FAM167A: variants seen among roughly 807,000 people sequenced by gnomAD.
FAM167A encodes family with sequence similarity 167 member A, also known as protein FAM167A.
Under a neutral mutation model 14.9 loss-of-function variants are expected in FAM167A, and 23 were observed. The observed-to-expected ratio is 1.55, with a 90% confidence interval of 1.11 to 2.19. The LOEUF is 2.19. Among genes scored for constraint, FAM167A ranks in the 30% most tolerant of loss-of-function variants. The pLI is 0.00. For synonymous variants in FAM167A, 174 were observed against 117.7 expected, an observed-to-expected ratio of 1.48 and a Z score of -3.10; for missense variants, 401 against 281.5, an observed-to-expected ratio of 1.42 and a Z score of -3.04.
Position 11,443,946 on chromosome 8 carries a change from GAGAC to G in FAM167A, c.381+81_381+84del, listed in dbSNP as rs568586961. 6.9e-4 allele frequency: 1,011 copies of G among 1,471,248 alleles called. 1 individual carries two copies. Among genetic ancestry groups the G allele is most frequent in the South Asian group, 1.5e-3 (111 of 75,914 alleles). 91.1% of individuals were successfully genotyped at this position (1,471,248 alleles called of 1,614,324 possible). ...GGAAGAAATACATGGTGGGGGTGGG[GAGAC>G]AGACAGAGAGAGACAGAAAAAGACA... On this transcript the variant is annotated intron_variant, in intron 2 of 2. Coordinates refer to ENST00000284486, the MANE Select transcript of FAM167A (RefSeq NM_053279.3).
intron 1 of FAM167A, among the ~76,000 whole-genome samples, chr8:11,456,671 C>A (rs1563387748): frequency 6.6e-6 from 1 of 151,258 alleles, no homozygotes; most frequent in Non-Finnish European, 1.5e-5. Flanking sequence ...CTGGGTATGG[C>A]TAGGGCTGAG....
intron 2 of FAM167A, among the ~76,000 whole-genome samples, chr8:11,428,445 T>C (rs879574611): frequency 2.6e-5 from 4 of 152,226 alleles, no homozygotes; most frequent in Admixed American, 2.6e-4. Context: ...TGCACATGCA[T>C]TCAATTCTGC....
At chr8:11,450,633 C>G (rs1186936217) in intron 1 of FAM167A, among the ~76,000 whole-genome samples, 1 of 152,226 alleles carries the variant, frequency 6.6e-6, no homozygotes, top group African/African-American at 2.4e-5. Flanking sequence ...GGACGAGAAC[C>G]AAGCCTTTTA....
At chr8:11,445,027 T>C (rs766273061) in intron 1 of FAM167A, 114 of 729,436 alleles carry the variant, frequency 1.6e-4, no homozygotes, top group Middle Eastern at 6.8e-4. Context: ...TTACCATTTA[T>C]ATAAAAACGA....
At chr8:11,468,434 C>T (rs1467878375), upstream of FAM167A, among the ~76,000 whole-genome samples, 1 of 152,252 alleles carries the variant, frequency 6.6e-6, no homozygotes, top group Non-Finnish European at 1.5e-5. Context: ...GCCTTATGTC[C>T]TTCATGGACC....
upstream of FAM167A, among the ~76,000 whole-genome samples, chr8:11,469,082 A>C (rs1807872440): frequency 6.6e-6 from 1 of 152,274 alleles, no homozygotes; most frequent in Admixed American, 6.5e-5. Context: ...AAGCTATTTG[A>C]TCATATAGAA....
intron 2 of FAM167A, among the ~76,000 whole-genome samples, chr8:11,436,297 C>T (rs1469073779): frequency 1.3e-5 from 2 of 152,232 alleles, no homozygotes; most frequent in Non-Finnish European, 2.9e-5. Flanking sequence ...CACTAGGGGC[C>T]AAGGCCTTCC....
intron 2 of FAM167A, among the ~76,000 whole-genome samples, chr8:11,432,282 G>A (rs1012003873): frequency 5.3e-5 from 8 of 152,300 alleles, no homozygotes; most frequent in Non-Finnish European, 1.0e-4. Flanking sequence ...AGAGTGAACA[G>A]GCAACCTACA....
At chr8:11,455,010 A>G (rs1807172962) in intron 1 of FAM167A, among the ~76,000 whole-genome samples, 1 of 152,168 alleles carries the variant, frequency 6.6e-6, no homozygotes, top group Non-Finnish European at 1.5e-5. Context: ...TTCCAGCCTC[A>G]TCTGCATTCC....
chr8:11,429,761 A>G (rs1805446513), intron 2 of FAM167A, among the ~76,000 whole-genome samples: 1 of 152,134 alleles, frequency 6.6e-6, no homozygotes, highest in Non-Finnish European at 1.5e-5. Flanking sequence ...CTGGGTTAGA[A>G]CCCAGGTTCA....
intron 1 of FAM167A, among the ~76,000 whole-genome samples, chr8:11,472,789 C>T (rs578028084): frequency 6.6e-6 from 1 of 152,178 alleles, no homozygotes; most frequent in East Asian, 1.9e-4. Context: ...GGATGGCTTT[C>T]TTTTCACTAG....
upstream of FAM167A, among the ~76,000 whole-genome samples, chr8:11,469,921 T>TAA (rs55860512): frequency 6.9e-6 from 1 of 144,908 alleles, no homozygotes; most frequent in Non-Finnish European, 1.5e-5. Context: ...AATAAATAAA[T>TAA]AAAAGATTTA....
intron 1 of FAM167A, chr8:11,445,454 C>G: frequency 1.0e-6 from 1 of 985,902 alleles, no homozygotes; most frequent in Non-Finnish European, 1.2e-6. Flanking sequence ...AATAAACCTG[C>G]AGCTGTGGAG....
chr8:11,465,853 C>A (rs28738823), intron 1 of FAM167A, among the ~76,000 whole-genome samples: 13,816 of 152,204 alleles, frequency 0.091, 1,184 homozygotes, highest in African/African-American at 0.22. Context: ...TGCAGGCATA[C>A]GGCAGTGGCC....
chr8:11,469,111 G>A (rs992855793), upstream of FAM167A, among the ~76,000 whole-genome samples: 9 of 152,284 alleles, frequency 5.9e-5, no homozygotes, highest in Middle Eastern at 3.4e-3. Context: ...ACGATTTAAC[G>A]CTAAGTAAAT....
upstream of FAM167A, among the ~76,000 whole-genome samples, chr8:11,467,112 C>A (rs534416009): frequency 6.6e-6 from 1 of 152,376 alleles, no homozygotes; most frequent in South Asian, 2.1e-4. Flanking sequence ...ACGCCCAGGG[C>A]CTCACCCACC....
chr8:11,454,685 G>C (rs897750031), intron 1 of FAM167A, among the ~76,000 whole-genome samples: 1 of 152,254 alleles, frequency 6.6e-6, no homozygotes, highest in African/African-American at 2.4e-5. Context: ...GGGTGAGTAA[G>C]AGGTTAGGAG....
upstream of FAM167A, among the ~76,000 whole-genome samples, chr8:11,470,492 G>GC (rs1807926425): frequency 6.6e-6 from 1 of 152,216 alleles, no homozygotes; most frequent in South Asian, 2.1e-4. Context: ...GAGCCCTTGG[G>GC]CCTGGCAGAC....
rs1021624876 is a variant in FAM167A, at chr8:11,421,982, C to T, written c.*2391G>A. 1.4e-4 allele frequency: 55 copies of T among 396,380 alleles called. No individual in the cohort carries two copies. The highest frequency in any genetic ancestry group is 6.8e-4 in the East Asian group (19 of 27,986). The allele number at this position is 396,380 out of a possible 1,614,324, so 24.6% of individuals were successfully genotyped here. A position where few individuals can be genotyped will look rare whatever the true frequency, so the allele number is the denominator to read the frequency against. ...ACACTGGACGATGTTTAGAAAACAT[C>T]GCTGTCCCCCTCCACTTCTCATCTT... On this transcript the variant is annotated 3_prime_UTR_variant, in exon 3 of 3. Transcript: ENST00000284486.
Sources: allele counts gnomAD v4.1 joint callset (sites outside exome capture counted in the v4.1 genomes callset), GRCh38; gene constraint gnomAD v4.1.1; transcripts MANE v1.5; gene names NCBI Gene and HGNC (gene_info 2026-07-23, HGNC 2026-07-21).